The following VWA5B1 variants were observed in gnomAD, a reference collection of about 807,000 sequenced individuals.
VWA5B1 encodes von Willebrand factor A domain-containing protein 5B1.
VWA5B1 carries 115 observed loss-of-function variants against 118.2 expected under a neutral mutation model. That is an observed-to-expected ratio of 0.97 (90% CI 0.84 to 1.14). The LOEUF is 1.14. Ranked by LOEUF, VWA5B1 falls within the 50% of genes most tolerant of loss-of-function variation. VWA5B1 has a pLI of 0.00. For missense variants in VWA5B1, 1,596 were observed against 1,603.8 expected (o/e 1.00, Z 0.08); for synonymous variants, 682 against 658.4 (o/e 1.04, Z -0.55).
intron 1 of VWA5B1, among the ~76,000 whole-genome samples, chr1:20,298,753 G>C (rs1222718921): frequency 1.3e-5 from 2 of 152,108 alleles, no homozygotes; most frequent in African/African-American, 4.8e-5. Flanking sequence ...TGGCTGACGA[G>C]GGGGACTCTG....
intron 1 of VWA5B1, among the ~76,000 whole-genome samples, chr1:20,291,387 T>TCTCTCTG (rs57894456): frequency 8.8e-6 from 1 of 114,170 alleles, no homozygotes; most frequent in Non-Finnish European, 1.7e-5. Context: ...CTCTCTCTCT[T>TCTCTCTG]TCTGTCTCCT....
In VWA5B1 at chr1:20,318,621, C is replaced by A; in HGVS notation, c.741C>A (p.Ala247=). Residue 247 remains alanine, a synonymous_variant, in exon 6 of 22, where the codon GCC becomes GCA. Coordinates refer to ENST00000289815, the MANE Select transcript of VWA5B1 (RefSeq NM_001039500.3). Reference sequence around the variant, plus strand: ...AGAGTCCCACTCATGAGATTCGTGCCGACGCCGCCCCATCTGCCCGCTCGG... The same window carrying A: ...AGAGTCCCACTCATGAGATTCGTGCAGACGCCGCCCCATCTGCCCGCTCGG... ...GVESPTHEIR[A]DAAPSARSAK... 6.4e-7 allele frequency: 1 copy of A among 1,551,166 alleles called. No homozygotes were observed. Among genetic ancestry groups the A allele is most frequent in the Non-Finnish European group, 8.7e-7 (1 of 1,146,784 alleles).
chr1:20,353,102 C>T (rs1489185424), intron 21 of VWA5B1, among the ~76,000 whole-genome samples: 1 of 152,142 alleles, frequency 6.6e-6, no homozygotes, highest in African/African-American at 2.4e-5. Context: ...AAGGCTAAGC[C>T]AAGACTTGCA....
chr1:20,356,827 C>T lies in VWA5B1; in HGVS notation c.*2564C>T, dbSNP rs995190951. Among the ~76,000 whole-genome samples, 4 of 152,190 alleles carry T rather than the reference C, an allele frequency of 2.6e-5. No individual in the cohort carries two copies. Among genetic ancestry groups the T allele is most frequent in the Non-Finnish European group, 5.9e-5 (4 of 68,036 alleles). ...TATGGGGGCAGGTCTGGACAAGAGA[C>T]ATTTTTAAAGAACTTCAGTGGTATT... On this transcript the variant is annotated 3_prime_UTR_variant, in exon 22 of 22. Transcript: ENST00000289815.
chr1:20,324,421 C>G (rs1034917902), intron 8 of VWA5B1, among the ~76,000 whole-genome samples: 3 of 152,198 alleles, frequency 2.0e-5, no homozygotes, highest in African/African-American at 7.2e-5. Flanking sequence ...CATTATCCAA[C>G]ACTCCCTTGT....
chr1:20,350,180 T>C lies in VWA5B1; in HGVS notation c.2903T>C (p.Leu968Pro). ...GACATGGAGGCAAGTCCCACTGCTC[T>C]CTTCAGCGAGGCCAGGTCCCCCGGC... ...GNDMEASPTA[L>P]FSEARSPGRE... is the part of the protein sequence containing the mutation. Residue 968 changes from leucine to proline, a missense_variant, in exon 19 of 22, where the codon CTC (leucine) becomes CCC (proline). Transcript: ENST00000289815. 4.5e-6 allele frequency: 7 copies of C among 1,551,186 alleles called. No individual in the cohort carries two copies. Among genetic ancestry groups the C allele is most frequent in the African/African-American group, 1.4e-5 (1 of 73,132 alleles).
intron 18 of VWA5B1, 59 bp downstream of exon 18, chr1:20,348,417 G>A (rs1357207569): frequency 1.3e-6 from 2 of 1,518,662 alleles, no homozygotes; most frequent in Non-Finnish European, 1.8e-6. Context: ...CTGGGCCCCT[G>A]AGGTTACCGC....
chr1:20,292,651 G>C (rs144687243), intron 1 of VWA5B1, among the ~76,000 whole-genome samples: 1 of 152,348 alleles, frequency 6.6e-6, no homozygotes, highest in East Asian at 1.9e-4. Flanking sequence ...GTGTGTGTGT[G>C]TGCACACGTG....
chr1:20,333,094 G>A, intron 12 of VWA5B1, 143 bp downstream of exon 12: 2 of 1,083,064 alleles, frequency 1.8e-6, no homozygotes, highest in Non-Finnish European at 2.6e-6. Context: ...TTTCCCAGTT[G>A]TGGGTTTACA....
At chr1:20,325,533 G>A (rs1178519503) in intron 8 of VWA5B1, among the ~76,000 whole-genome samples, 1 of 152,156 alleles carries the variant, frequency 6.6e-6, no homozygotes, top group Non-Finnish European at 1.5e-5. Context: ...CTCATCCAGT[G>A]TTCCAGGCAG....
chr1:20,294,543 A>G (rs1258017880), intron 1 of VWA5B1, among the ~76,000 whole-genome samples: 3 of 152,144 alleles, frequency 2.0e-5, no homozygotes, highest in African/African-American at 7.2e-5. Flanking sequence ...GCAATGGCAT[A>G]ATCTCGGCTC....
rs1193736348 is a variant in VWA5B1 at position 20,336,371 on chromosome 1, G to A, written c.1827G>A (p.Gln609=). Residue 609 remains glutamine (Q), a synonymous_variant, in exon 13 of 22, where the codon CAG becomes CAA. Transcript: ENST00000289815. ...GCAGCTCTGTCTTCTACCACTCTCAGGATGACGGACCCGGGCTGGAAGGTG... is the reference window on the plus strand; with the variant it reads ...GCAGCTCTGTCTTCTACCACTCTCAAGATGACGGACCCGGGCTGGAAGGTG... The part of the protein sequence containing the change: ...ESGSSVFYHS[Q]DDGPGLEGGD... 2.0e-6 allele frequency: 3 copies of A among 1,528,312 alleles called. No individual in the cohort carries two copies. The highest frequency in any genetic ancestry group is 2.6e-6 in the Non-Finnish European group (3 of 1,135,248). The allele number at this position is 1,528,312 out of a possible 1,614,324, so 94.7% of individuals were successfully genotyped here.
At chr1:20,351,165 C>T (rs1435335113) in intron 20 of VWA5B1, among the ~76,000 whole-genome samples, 2 of 152,192 alleles carry the variant, frequency 1.3e-5, no homozygotes, top group Non-Finnish European at 2.9e-5. Context: ...TGCAAGTATG[C>T]ATGGGAGGGC....
At chr1:20,339,836 A>G (rs775299689) in intron 14 of VWA5B1, among the ~76,000 whole-genome samples, 5 of 152,016 alleles carry the variant, frequency 3.3e-5, no homozygotes, top group African/African-American at 4.8e-5. Flanking sequence ...CAAACATGTC[A>G]CTCCACTCTC....
At chr1:20,313,093 C>A in intron 3 of VWA5B1, 105 bp downstream of exon 3, 2 of 1,411,548 alleles carry the variant, frequency 1.4e-6, no homozygotes, top group Non-Finnish European at 1.9e-6. Context: ...GGATATGAGG[C>A]AGAAAGAGCA....
chr1:20,342,707 G>T, intron 15 of VWA5B1, 98 bp downstream of exon 15: 1 of 1,380,874 alleles, frequency 7.2e-7, no homozygotes. Flanking sequence ...AGATGCCTGG[G>T]TCTGTCCCCT....
rs186765789 is a variant in VWA5B1, at chr1:20,315,230, C to T, written c.563+638C>T. Among the ~76,000 whole-genome samples, 83 of 152,252 alleles carry T rather than the reference C, an allele frequency of 5.5e-4. 2 individuals carry two copies. Among genetic ancestry groups the T allele is most frequent in the Admixed American group, 5.1e-3 (78 of 15,300 alleles). ...GGGCGAAAGCAGCAGGGACAAAGGC[C>T]CTGGGGTAGCAAGGACAGGGCCCCA... On this transcript the variant is annotated intron_variant, in intron 4 of 21. Transcript: ENST00000289815.
chr1:20,323,819 C>T (rs947439562), intron 8 of VWA5B1, among the ~76,000 whole-genome samples: 2 of 152,170 alleles, frequency 1.3e-5, no homozygotes, highest in South Asian at 2.1e-4. Context: ...GAGCAGGGCA[C>T]AGGGAAGAGG....
rs2090186060 is a variant in VWA5B1 at position 20,354,136 on chromosome 1, A to T, written c.3521A>T (p.Gln1174Leu). The change falls in exon 22 of 22, where the codon CAG becomes CTG. Residue 1174 changes from glutamine (Q) to leucine (L), a missense_variant. By Grantham distance (113) the Gln-to-Leu change is moderately radical (BLOSUM62 -2). Coordinates refer to ENST00000289815, the MANE Select transcript of VWA5B1 (RefSeq NM_001039500.3). ...AAKANSWLEQ[Q>L]EVPEGRTQGT... ...AAGGCCAACTCATGGCTGGAGCAGC[A>T]GGAAGTACCCGAGGGCCGCACGCAG... 1.9e-6 allele frequency: 3 copies of T among 1,551,388 alleles called. No homozygotes were observed. Among genetic ancestry groups the T allele is most frequent in the Non-Finnish European group, 2.6e-6 (3 of 1,147,002 alleles).
Sources: gnomAD v4.1 joint callset for allele counts (sites outside exome capture counted in the v4.1 genomes callset) on GRCh38, gnomAD v4.1.1 for gene constraint, MANE v1.5 for transcripts, NCBI Gene and HGNC (gene_info 2026-07-23, HGNC 2026-07-21) for gene names.